The following MYOM1 variants were observed in gnomAD, a reference collection of about 807,000 sequenced individuals.
MYOM1 encodes the protein myomesin 1, also known as myomesin-1.
In MYOM1, 164 loss-of-function variants were observed where a neutral mutation model predicts 205.3. The ratio of observed to expected loss-of-function variants is 0.80; its 90% confidence interval spans 0.70 to 0.91. MYOM1 has a LOEUF of 0.91. Ranked by LOEUF, MYOM1 falls within the 40% of genes least tolerant of loss-of-function variation. MYOM1 has a pLI of 0.00. For missense variants in MYOM1, 2,011 were observed against 2,127.3 expected, an observed-to-expected ratio of 0.95 and a Z score of 1.08; for synonymous variants, 772 against 789.4, an observed-to-expected ratio of 0.98 and a Z score of 0.37.
At chr18:3,141,033 T>C (rs2080041006) in intron 14 of MYOM1, among the ~76,000 whole-genome samples, 1 of 152,216 alleles carries the variant, frequency 6.6e-6, no homozygotes, top group African/African-American at 2.4e-5. Flanking sequence ...TTTTAACAAA[T>C]GGATTTTGAA....
At chr18:3,087,811 AT>A (rs397824486) in intron 29 of MYOM1, among the ~76,000 whole-genome samples, 12 of 151,126 alleles carry the variant, frequency 7.9e-5, no homozygotes, top group African/African-American at 2.4e-4. Context: ...TTATTTATTT[AT>A]TTTTTTTTTT....
In MYOM1 at chr18:3,100,222, G is replaced by A. The variant is rs745331929; in HGVS notation, c.3683-19C>T. The A allele has an allele frequency of 1.9e-6, 3 of 1,613,800 alleles. No individual in the cohort carries two copies. The highest frequency in any genetic ancestry group is 1.3e-5 in the African/African-American group (1 of 74,912). ...TTCAATTCTGTAGGGGGAAAAAGAA[G>A]GCAGTTAAACCTTAAACTACTAAAA... On this transcript the variant is annotated intron_variant, in intron 24 of 37. Transcript: ENST00000356443.
At chr18:3,229,175 G>A in the MYOM1 span, among the ~76,000 whole-genome samples, 4 of 152,074 alleles carry the variant, frequency 2.6e-5, no homozygotes, top group African/African-American at 4.8e-5. Flanking sequence ...TAGCCTCTCG[G>A]GCTCTTGTTT....
intron 36 of MYOM1, among the ~76,000 whole-genome samples, chr18:3,072,370 T>TTTTTTTTTTTTTTTTTTTTTTTTG (rs768555182): frequency 2.6e-5 from 3 of 115,940 alleles, no homozygotes; most frequent in Non-Finnish European, 1.8e-5. Flanking sequence ...TTTTTTTTTT[T>TTTTTTTTTTTTTTTTTTTTTTTTG]TGAGGCAGAG....
intron 16 of MYOM1, among the ~76,000 whole-genome samples, chr18:3,134,222 TGCTGTCCAG>T (rs2079918680): frequency 6.6e-6 from 1 of 152,090 alleles, no homozygotes; most frequent in African/African-American, 2.4e-5. Flanking sequence ...GGTCTCCCTA[TGCTGTCCAG>T]GCTGGCAGTG....
the MYOM1 span, among the ~76,000 whole-genome samples, chr18:3,236,097 T>C: frequency 3.3e-5 from 5 of 152,306 alleles, no homozygotes; most frequent in East Asian, 9.6e-4. Context: ...GGTAAAGCAC[T>C]GGGCTTTTAC....
At chr18:3,217,760 A>G (rs951284489) in intron 1 of MYOM1, among the ~76,000 whole-genome samples, 1 of 152,078 alleles carries the variant, frequency 6.6e-6, no homozygotes, top group African/African-American at 2.4e-5. Context: ...AGGCAGGAGG[A>G]TTTCCTGAGC....
chr18:3,194,578 T>C (rs1359940021), intron 2 of MYOM1, among the ~76,000 whole-genome samples: 1 of 152,194 alleles, frequency 6.6e-6, no homozygotes, highest in African/African-American at 2.4e-5. Context: ...GGTACAAATG[T>C]GCACTTGGAG....
At chr18:3,232,245 G>C in the MYOM1 span, among the ~76,000 whole-genome samples, 1 of 151,918 alleles carries the variant, frequency 6.6e-6, no homozygotes, top group African/African-American at 2.4e-5. Context: ...CACAAGAATT[G>C]CTTGAATCCT....
chr18:3,140,897 A>G (rs1282789524), intron 14 of MYOM1, among the ~76,000 whole-genome samples: 1 of 152,250 alleles, frequency 6.6e-6, no homozygotes, highest in Non-Finnish European at 1.5e-5. Flanking sequence ...AAAATTTAAA[A>G]GTACAAACAC....
At chr18:3,171,222 T>C (rs1174315986) in intron 8 of MYOM1, among the ~76,000 whole-genome samples, 2 of 152,148 alleles carry the variant, frequency 1.3e-5, no homozygotes, top group African/African-American at 4.8e-5. Context: ...TAATCAACAG[T>C]GAAGTAACCT....
At chr18:3,109,155 G>A in intron 22 of MYOM1, among the ~76,000 whole-genome samples, 1 of 151,250 alleles carries the variant, frequency 6.6e-6, no homozygotes, top group East Asian at 2.0e-4. Context: ...AATTTTTTTT[G>A]TATTTTTAGT....
intron 29 of MYOM1, among the ~76,000 whole-genome samples, chr18:3,086,429 T>C (rs1567897798): frequency 7.0e-6 from 1 of 143,790 alleles, no homozygotes; most frequent in African/African-American, 2.7e-5. Flanking sequence ...AGAGAATAGA[T>C]ACATTCATAC....
intron 2 of MYOM1, among the ~76,000 whole-genome samples, chr18:3,214,599 GGA>G (rs1443208987): frequency 2.6e-5 from 4 of 152,132 alleles, no homozygotes; most frequent in Non-Finnish European, 5.9e-5. Context: ...CCAGGCGGGT[GGA>G]ACACCTGAGG....
chr18:3,148,995 T>C (rs1166454257), intron 13 of MYOM1, 150 bp downstream of exon 13: 1 of 677,436 alleles, frequency 1.5e-6, no homozygotes. Context: ...TAAAATGGGA[T>C]TCTCTGACAT....
rs73936904 is a variant in MYOM1, at chr18:3,075,314, C to G, written c.4708+140G>C. On this transcript the variant is annotated intron_variant, in intron 36 of 37. Transcript: ENST00000356443. ...CTTACTCAAAAGACTAAAATGAAAACATATGTAGAACACCTAAGATTTAAA... is the reference window on the plus strand; with the variant it reads ...CTTACTCAAAAGACTAAAATGAAAAGATATGTAGAACACCTAAGATTTAAA... 0.032 allele frequency: 24,173 copies of G among 754,098 alleles called. 670 individuals are homozygous for G. The highest frequency in any genetic ancestry group is 0.11 in the African/African-American group (5,975 of 56,808). The allele number at this position is 754,098 out of a possible 1,614,324, so 46.7% of individuals were successfully genotyped here. A position where few individuals can be genotyped will look rare whatever the true frequency, so the allele number is the denominator to read the frequency against.
At chr18:3,099,524 C>G (rs2079350086) in intron 25 of MYOM1, among the ~76,000 whole-genome samples, 1 of 152,176 alleles carries the variant, frequency 6.6e-6, no homozygotes, top group South Asian at 2.1e-4. Context: ...CCAGTGGGTA[C>G]TAATGGCAAG....
At chr18:3,147,802 T>C (rs182973448) in intron 13 of MYOM1, among the ~76,000 whole-genome samples, 19 of 152,174 alleles carry the variant, frequency 1.2e-4, no homozygotes, top group Non-Finnish European at 2.4e-4. Flanking sequence ...TATGCAAGTA[T>C]GAACGATAGT....
At chr18:3,213,922 C>G (rs73377269) in intron 2 of MYOM1, among the ~76,000 whole-genome samples, 4,981 of 152,304 alleles carry the variant, frequency 0.033, 232 homozygotes, top group African/African-American at 0.11. Flanking sequence ...CCTGGGTTCA[C>G]TTTGCAGACC....
Sources: gnomAD v4.1 joint callset for allele counts (sites outside exome capture counted in the v4.1 genomes callset) on GRCh38, gnomAD v4.1.1 for gene constraint, MANE v1.5 for transcripts, NCBI Gene and HGNC (gene_info 2026-07-23, HGNC 2026-07-21) for gene names.